Variants in PDE1C observed in about 807,000 individuals in gnomAD.
The protein encoded by PDE1C is dual specificity calcium/calmodulin-dependent 3',5'-cyclic nucleotide phosphodiesterase 1C.
PDE1C carries 62 observed loss-of-function variants against 93.1 expected under a neutral mutation model. That is an observed-to-expected ratio of 0.67 (90% CI 0.54 to 0.82). The LOEUF (loss-of-function observed/expected upper bound fraction) is 0.82. PDE1C is among the 40% of genes least tolerant of loss of function. PDE1C has a pLI of 0.00. For missense variants in PDE1C, 742 were observed against 884.6 expected (o/e 0.84, Z 2.04); for synonymous variants, 325 against 310.1 (o/e 1.05, Z -0.50).
intron 3 of PDE1C, among the ~76,000 whole-genome samples, chr7:32,148,143 T>A (rs1801021907): frequency 6.6e-6 from 1 of 152,130 alleles, no homozygotes; most frequent in Admixed American, 6.6e-5. Flanking sequence ...GCATTCTGTA[T>A]CACAGGCAAT....
intron 2 of PDE1C, among the ~76,000 whole-genome samples, chr7:31,953,995 A>G (rs866762397): frequency 1.8e-4 from 27 of 152,286 alleles, no homozygotes; most frequent in African/African-American, 6.5e-4. Context: ...CACCACATAT[A>G]TCCTCCAATT....
At chr7:31,998,223 G>T (rs1243310226) in intron 2 of PDE1C, among the ~76,000 whole-genome samples, 7 of 151,964 alleles carry the variant, frequency 4.6e-5, no homozygotes, top group Admixed American at 3.3e-4. Context: ...GTTTCACCAT[G>T]TTAGCCAGGA....
chr7:31,805,143 CATGACT>C (rs1490409352), intron 16 of PDE1C, among the ~76,000 whole-genome samples: 2 of 151,726 alleles, frequency 1.3e-5, no homozygotes, highest in African/African-American at 4.8e-5. Flanking sequence ...TGCCTTCCAC[CATGACT>C]ATGAGGCCTC....
intron 3 of PDE1C, among the ~76,000 whole-genome samples, chr7:32,168,887 T>C (rs1802471052): frequency 6.6e-6 from 1 of 152,184 alleles, no homozygotes; most frequent in African/African-American, 2.4e-5. Context: ...CAAATATATT[T>C]CATGGAACTC....
chr7:32,165,584 G>A (rs1486548205), intron 3 of PDE1C, among the ~76,000 whole-genome samples: 1 of 152,112 alleles, frequency 6.6e-6, no homozygotes, highest in Non-Finnish European at 1.5e-5. Flanking sequence ...CAGGGGAAAT[G>A]CCAGAAGCTT....
chr7:32,051,944 A>G (rs1445967635), intron 1 of PDE1C, among the ~76,000 whole-genome samples: 1 of 152,206 alleles, frequency 6.6e-6, no homozygotes, highest in Non-Finnish European at 1.5e-5. Flanking sequence ...AGGTTCTTAC[A>G]GAGTAAATGG....
intron 1 of PDE1C, among the ~76,000 whole-genome samples, chr7:32,346,260 T>C (rs892968548): frequency 6.6e-6 from 1 of 152,214 alleles, no homozygotes; most frequent in African/African-American, 2.4e-5. Flanking sequence ...AATTTGTGTT[T>C]TGTAAGTGAA....
chr7:32,223,296 C>G (rs1170103033), intron 1 of PDE1C, among the ~76,000 whole-genome samples: 2 of 152,186 alleles, frequency 1.3e-5, no homozygotes, highest in East Asian at 3.9e-4. Context: ...CCTGACAGAC[C>G]GTTCCACGTG....
chr7:32,079,715 T>C (rs1796548001), intron 3 of PDE1C, among the ~76,000 whole-genome samples: 1 of 152,218 alleles, frequency 6.6e-6, no homozygotes, highest in African/African-American at 2.4e-5. Context: ...CTCCTGTACA[T>C]GGCAGCTAGA....
chr7:31,837,507 A>G (rs1339725243), intron 10 of PDE1C, among the ~76,000 whole-genome samples: 1 of 152,176 alleles, frequency 6.6e-6, no homozygotes, highest in African/African-American at 2.4e-5. Flanking sequence ...GACTCTCTGG[A>G]CTCAAATCCA....
intron 2 of PDE1C, among the ~76,000 whole-genome samples, chr7:32,045,466 T>C (rs935152162): frequency 2.0e-5 from 3 of 152,178 alleles, no homozygotes; most frequent in Non-Finnish European, 2.9e-5. Context: ...AGGAAAATAT[T>C]TGTAAAGGGA....
chr7:32,255,355 A>G (rs1281838715), intron 1 of PDE1C, among the ~76,000 whole-genome samples: 1 of 152,158 alleles, frequency 6.6e-6, no homozygotes, highest in Admixed American at 6.5e-5. Context: ...TTGGATTTGC[A>G]TAGACCTCAG....
At chr7:32,006,758 A>C (rs1786320964) in intron 2 of PDE1C, among the ~76,000 whole-genome samples, 2 of 152,238 alleles carry the variant, frequency 1.3e-5, no homozygotes, top group Admixed American at 1.3e-4. Context: ...TATGGCCAAC[A>C]AAGGTGAAAA....
intron 2 of PDE1C, among the ~76,000 whole-genome samples, chr7:31,971,477 AG>A (rs1810955247): frequency 6.6e-6 from 1 of 152,146 alleles, no homozygotes. Flanking sequence ...CGATCACGCT[AG>A]GGATGATGCA....
chr7:31,920,523 G>A (rs1802478668), intron 2 of PDE1C, among the ~76,000 whole-genome samples: 1 of 152,032 alleles, frequency 6.6e-6, no homozygotes. Context: ...AAAGGAGACT[G>A]ATCTCAGGGT....
chr7:31,802,347 C>T (rs973888366), intron 16 of PDE1C, among the ~76,000 whole-genome samples: 1 of 151,480 alleles, frequency 6.6e-6, no homozygotes, highest in Non-Finnish European at 1.5e-5. Flanking sequence ...AATAGATATC[C>T]CATTTCTCCC....
chr7:31,877,571 A>G (rs867841898), intron 5 of PDE1C, among the ~76,000 whole-genome samples: 11 of 151,498 alleles, frequency 7.3e-5, no homozygotes, highest in African/African-American at 2.2e-4. Context: ...CGGTTTCTTC[A>G]TCTATAAAAT....
intron 16 of PDE1C, among the ~76,000 whole-genome samples, chr7:31,793,922 T>A (rs1380542633): frequency 6.6e-6 from 1 of 151,634 alleles, no homozygotes; most frequent in Middle Eastern, 3.2e-3. Context: ...CAAAATCCTC[T>A]CATCATGTAT....
In PDE1C at chr7:32,318,772, A is replaced by G. The variant is rs111441587; in HGVS notation, c.310+109050T>C. Among the ~76,000 whole-genome samples the G allele has an allele frequency of 2.7e-3, 404 of 152,286 alleles. 9 individuals carry two copies. The East Asian group carries it at 0.027, about 10-fold the overall frequency. ...ATGCATTACATTTGCCCGCGTATCT[A>G]CCTACAAAAAGAGCCACGGCAGAGG... On this transcript the variant is annotated intron_variant, in intron 1 of 1. Coordinates refer to the PDE1C transcript ENST00000672256.
Sources: allele counts gnomAD v4.1 joint callset (sites outside exome capture counted in the v4.1 genomes callset), GRCh38; gene constraint gnomAD v4.1.1; transcripts MANE v1.5; gene names NCBI Gene and HGNC (gene_info 2026-07-23, HGNC 2026-07-21).